PRRG1: variants seen among roughly 807,000 people sequenced by gnomAD.
The protein encoded by PRRG1 is transmembrane gamma-carboxyglutamic acid protein 1.
A neutral mutation model predicts 11.8 loss-of-function variants in PRRG1; 5 were observed. That is an observed-to-expected ratio of 0.42 (90% CI 0.22 to 0.89). The LOEUF (loss-of-function observed/expected upper bound fraction) is 0.89. Ranked by LOEUF, PRRG1 falls within the 40% of genes least tolerant of loss-of-function variation. The pLI is 0.28. For missense variants in PRRG1, 155 were observed against 166.1 expected (o/e 0.93, Z 0.37); for synonymous variants, 66 against 60.4 (o/e 1.09, Z -0.43).
chrX:37,426,021 A>G, intron 3 of PRRG1, 21 bp downstream of exon 3: 1 of 1,153,717 alleles, frequency 8.7e-7, no homozygotes, highest in Non-Finnish European at 1.2e-6. Context: ...TGGCAATTAA[A>G]AAGTTGCACA....
intron 1 of PRRG1, among the ~76,000 whole-genome samples, chrX:37,394,014 A>G (rs1224146295): frequency 2.7e-5 from 3 of 111,759 alleles, no homozygotes; most frequent in African/African-American, 9.8e-5. Flanking sequence ...GTTTTAAAAA[A>G]CCCAGTCCTA....
rs1921249735 is a variant in PRRG1 at position 37,453,801 on chromosome X, A to G, written c.*180A>G. The G allele has an allele frequency of 4.0e-6, 2 of 504,318 alleles. No homozygotes were observed. The highest frequency in any genetic ancestry group is 5.9e-6 in the Non-Finnish European group (2 of 337,113). 41.6% of individuals were successfully genotyped at this position (504,318 alleles called of 1,213,427 possible). ...TGTTATAGAATCATTATCCATGCTCATTTTTGCTAGGGGAAATATATGAAG... is the reference window on the plus strand; with the variant it reads ...TGTTATAGAATCATTATCCATGCTCGTTTTTGCTAGGGGAAATATATGAAG... On this transcript the variant is annotated 3_prime_UTR_variant, in exon 4 of 4. Coordinates refer to ENST00000378628, the MANE Select transcript of PRRG1 (RefSeq NM_001142395.2).
chrX:37,440,867 G>A, intron 3 of PRRG1: 2 of 509,280 alleles, frequency 3.9e-6, no homozygotes, highest in Non-Finnish European at 7.0e-6. Context: ...GTGCCCAAGT[G>A]ATCCTCCCAT....
chrX:37,396,241 G>A (rs1556378099), intron 1 of PRRG1, among the ~76,000 whole-genome samples: 1 of 112,375 alleles, frequency 8.9e-6, no homozygotes, highest in Non-Finnish European at 1.9e-5. Flanking sequence ...TGTGGTACTG[G>A]ACATCTGTTC....
At chrX:37,437,366 C>T (rs981159281) in intron 3 of PRRG1, among the ~76,000 whole-genome samples, 11 of 111,814 alleles carry the variant, frequency 9.8e-5, no homozygotes, top group Non-Finnish European at 1.7e-4. Context: ...TATAAAGTTA[C>T]CTCAGCAAGT....
chrX:37,394,297 A>T (rs1004181347), intron 1 of PRRG1, among the ~76,000 whole-genome samples: 8 of 112,073 alleles, frequency 7.1e-5, no homozygotes, highest in Non-Finnish European at 9.4e-5. Flanking sequence ...TAGATAGCCA[A>T]AGAGAGTTGT....
intron 2 of PRRG1, among the ~76,000 whole-genome samples, chrX:37,412,662 G>A (rs1932379975): frequency 9.2e-6 from 1 of 109,232 alleles, no homozygotes; most frequent in Non-Finnish European, 1.9e-5. Flanking sequence ...GCTGACAACT[G>A]CCATAATTTT....
chrX:37,358,237 G>T (rs1228814698), intron 1 of PRRG1, among the ~76,000 whole-genome samples: 2 of 111,818 alleles, frequency 1.8e-5, no homozygotes, highest in African/African-American at 6.5e-5. Flanking sequence ...ATTTTGCTGA[G>T]TAGGAGTTTA....
At chrX:37,418,578 A>AT (rs1556385971) in intron 2 of PRRG1, among the ~76,000 whole-genome samples, 1 of 111,902 alleles carries the variant, frequency 8.9e-6, no homozygotes, top group African/African-American at 3.2e-5. Context: ...TAAAAACCAT[A>AT]TTTTTATAGA....
chrX:37,441,233 A>G (rs1932970613), intron 3 of PRRG1: 1 of 778,167 alleles, frequency 1.3e-6, no homozygotes, highest in African/African-American at 2.3e-5. Context: ...AGAAGCTATT[A>G]CAGAGGGGAC....
intron 2 of PRRG1, among the ~76,000 whole-genome samples, chrX:37,407,942 G>T (rs1811978649): frequency 8.9e-6 from 1 of 112,021 alleles, no homozygotes; most frequent in South Asian, 3.7e-4. Flanking sequence ...ATCAGCTTTT[G>T]TTCCTGTTTT....
intron 1 of PRRG1, among the ~76,000 whole-genome samples, chrX:37,354,935 AC>A (rs200508746): frequency 0.019 from 2,140 of 110,183 alleles, 54 homozygotes; most frequent in African/African-American, 0.067. Flanking sequence ...GTTTTTTGAG[AC>A]AGGGCCTTTC....
intron 2 of PRRG1, among the ~76,000 whole-genome samples, chrX:37,423,567 C>A (rs1932718600): frequency 9.1e-6 from 1 of 109,715 alleles, no homozygotes; most frequent in Non-Finnish European, 1.9e-5. Flanking sequence ...TGAGGTCTCA[C>A]TGTGTTGCCC....
chrX:37,438,913 A>G (rs940836792), intron 3 of PRRG1, among the ~76,000 whole-genome samples: 1 of 111,914 alleles, frequency 8.9e-6, no homozygotes, highest in African/African-American at 3.2e-5. Flanking sequence ...TTTCCTTAAT[A>G]ACGGGGTTTC....
chrX:37,394,879 A>G (rs1470445966), intron 1 of PRRG1, among the ~76,000 whole-genome samples: 1 of 111,532 alleles, frequency 9.0e-6, no homozygotes, highest in Non-Finnish European at 1.9e-5. Flanking sequence ...TCAGCTTACA[A>G]AATATACCTT....
intron 1 of PRRG1, among the ~76,000 whole-genome samples, chrX:37,385,149 G>C (rs1198009679): frequency 1.8e-5 from 2 of 112,123 alleles, no homozygotes; most frequent in Non-Finnish European, 3.8e-5. Flanking sequence ...GGAATCAGTA[G>C]TGAGAATGAA....
chrX:37,363,572 T>C (rs1387737257), intron 1 of PRRG1, among the ~76,000 whole-genome samples: 1 of 112,180 alleles, frequency 8.9e-6, no homozygotes, highest in Non-Finnish European at 1.9e-5. Context: ...TTAATGATAT[T>C]ATCCACTATA....
intron 2 of PRRG1, among the ~76,000 whole-genome samples, chrX:37,411,857 A>G (rs1365784563): frequency 8.9e-6 from 1 of 112,194 alleles, no homozygotes. Context: ...TATACAAAGC[A>G]ATATCTGGAA....
intron 3 of PRRG1, among the ~76,000 whole-genome samples, chrX:37,442,489 G>T (rs1324176785): frequency 9.1e-6 from 1 of 109,789 alleles, no homozygotes; most frequent in African/African-American, 3.3e-5. Flanking sequence ...TGGGTGGGGT[G>T]GATGGCGTCA....
Sources: gnomAD v4.1 joint callset for allele counts (sites outside exome capture counted in the v4.1 genomes callset) on GRCh38, gnomAD v4.1.1 for gene constraint, MANE v1.5 for transcripts, NCBI Gene and HGNC (gene_info 2026-07-23, HGNC 2026-07-21) for gene names.